The following TUSC3 variants were observed in gnomAD, a reference collection of about 807,000 sequenced individuals.
TUSC3 encodes the protein tumor suppressor candidate 3, also known as dolichyl-diphosphooligosaccharide--protein glycosyltransferase subunit TUSC3.
A neutral mutation model predicts 44.8 loss-of-function variants in TUSC3; 45 were observed. The observed-to-expected ratio is 1.00, with a 90% CI of 0.79 to 1.29. The LOEUF (loss-of-function observed/expected upper bound fraction) is 1.29. Among genes scored for constraint, TUSC3 ranks in the 50% most tolerant of loss-of-function variants. The probability of loss-of-function intolerance (pLI) is 0.00; values close to 1 mark genes in which losing one functional copy is unlikely to be tolerated. For missense variants in TUSC3, 519 were observed against 437.9 expected (o/e 1.19, Z -1.65); for synonymous variants, 212 against 152.9 (o/e 1.39, Z -2.85).
At chr8:15,626,970 G>T (rs953247440) in intron 2 of TUSC3, among the ~76,000 whole-genome samples, 9 of 704 alleles carry the variant, frequency 0.013, no homozygotes, top group African/African-American at 0.062. Flanking sequence ...GCTTGGGAGG[G>T]CCTGAAGCCT....
chr8:15,438,867 C>T (rs1359289943), intron 1 of TUSC3, among the ~76,000 whole-genome samples: 1 of 152,166 alleles, frequency 6.6e-6, no homozygotes, highest in Non-Finnish European at 1.5e-5. Flanking sequence ...GTGGGAAACA[C>T]ACAGTACATT....
the TUSC3 span, among the ~76,000 whole-genome samples, chr8:15,824,717 G>A: frequency 9.2e-5 from 14 of 152,104 alleles, no homozygotes; most frequent in Non-Finnish European, 1.9e-4. Flanking sequence ...TAACCTGCAC[G>A]TTGTGCACAT....
intron 2 of TUSC3, among the ~76,000 whole-genome samples, chr8:15,525,069 A>G (rs1038490506): frequency 1.3e-5 from 2 of 152,218 alleles, no homozygotes; most frequent in African/African-American, 2.4e-5. Flanking sequence ...AAGGGAAAGT[A>G]TGTATACTAG....
chr8:15,672,466 T>C (rs903136720), intron 5 of TUSC3, among the ~76,000 whole-genome samples: 2 of 150,830 alleles, frequency 1.3e-5, no homozygotes, highest in South Asian at 2.1e-4. Flanking sequence ...ATGCTATAGA[T>C]AGGAAACTGA....
chr8:15,422,164 G>C (rs1054148571), intron 1 of TUSC3, among the ~76,000 whole-genome samples: 1 of 152,118 alleles, frequency 6.6e-6, no homozygotes, highest in Non-Finnish European at 1.5e-5. Flanking sequence ...TCAATGAAAA[G>C]TTTACAGATA....
intron 2 of TUSC3, among the ~76,000 whole-genome samples, chr8:15,492,119 C>T (rs1407303348): frequency 6.6e-6 from 1 of 152,118 alleles, no homozygotes; most frequent in East Asian, 1.9e-4. Context: ...TACCATATGG[C>T]AGTCTTTTTG....
chr8:15,799,380 C>T, the TUSC3 span, among the ~76,000 whole-genome samples: 2 of 148,480 alleles, frequency 1.3e-5, no homozygotes, highest in African/African-American at 2.4e-5. Context: ...AAGGGGTGGA[C>T]ATTTTTGCTG....
intron 2 of TUSC3, among the ~76,000 whole-genome samples, chr8:15,624,640 C>T (rs1363885647): frequency 1.3e-5 from 2 of 152,038 alleles, no homozygotes; most frequent in African/African-American, 2.4e-5. Context: ...GTCTTCTGCC[C>T]CTTTCTAATT....
intron 7 of TUSC3, 157 bp from the exon 8 acceptor site, chr8:15,743,381 A>C: frequency 1.3e-6 from 1 of 762,264 alleles, no homozygotes; most frequent in Admixed American, 2.4e-5. Flanking sequence ...ATTTGCTCAC[A>C]AAGAATGGTA....
At chr8:15,642,230 T>C (rs981348924) in intron 2 of TUSC3, among the ~76,000 whole-genome samples, 2 of 152,192 alleles carry the variant, frequency 1.3e-5, no homozygotes, top group African/African-American at 4.8e-5. Flanking sequence ...ATACAATATA[T>C]AATGCATATA....
intron 5 of TUSC3, among the ~76,000 whole-genome samples, chr8:15,667,763 T>C (rs1482199477): frequency 6.6e-6 from 1 of 151,718 alleles, no homozygotes; most frequent in Non-Finnish European, 1.5e-5. Context: ...GTAATAGTTA[T>C]TTTTCTTTTT....
At chr8:15,521,596 C>T (rs554532356) in intron 2 of TUSC3, among the ~76,000 whole-genome samples, 9 of 149,462 alleles carry the variant, frequency 6.0e-5, no homozygotes, top group African/African-American at 2.0e-4. Flanking sequence ...TACAGTAACA[C>T]AAACGATAGG....
At chr8:15,555,144 T>A (rs1802203571) in intron 1 of TUSC3, among the ~76,000 whole-genome samples, 2 of 91,490 alleles carry the variant, frequency 2.2e-5, no homozygotes, top group South Asian at 3.8e-4. Flanking sequence ...GCAGTCTTTT[T>A]TTTTTTTTTT....
chr8:15,545,436 A>G (rs556968371), intron 1 of TUSC3, among the ~76,000 whole-genome samples: 1 of 151,852 alleles, frequency 6.6e-6, no homozygotes, highest in South Asian at 2.1e-4. Flanking sequence ...CATTATCTTT[A>G]TTAAACTCAA....
chr8:15,834,160 G>A, the TUSC3 span, among the ~76,000 whole-genome samples: 5 of 151,920 alleles, frequency 3.3e-5, no homozygotes, highest in African/African-American at 4.8e-5. Flanking sequence ...AAATCTTACC[G>A]ATATTAAAAC....
chr8:15,656,192 CAG>C (rs1227168689), intron 3 of TUSC3, among the ~76,000 whole-genome samples: 1 of 152,058 alleles, frequency 6.6e-6, no homozygotes, highest in Non-Finnish European at 1.5e-5. Flanking sequence ...TTCTCACACT[CAG>C]AATACATTCA....
At chr8:15,419,503 G>A (rs1258332281) in intron 1 of TUSC3, among the ~76,000 whole-genome samples, 1 of 152,092 alleles carries the variant, frequency 6.6e-6, no homozygotes, top group African/African-American at 2.4e-5. Context: ...TGGAACACAT[G>A]TGCCAAATTT....
chr8:15,483,649 A>ATTTTTTTTTTTTTTTTTTTTTTTTTT (rs60092911), intron 2 of TUSC3, among the ~76,000 whole-genome samples: 1 of 66,160 alleles, frequency 1.5e-5, no homozygotes, highest in Non-Finnish European at 2.8e-5. Context: ...TAGCACTGTG[A>ATTTTTTTTTTTTTTTTTTTTTTTTTT]TTTTTTTTTT....
At chr8:15,774,832 ATGT>A in the TUSC3 span, among the ~76,000 whole-genome samples, 1 of 152,042 alleles carries the variant, frequency 6.6e-6, no homozygotes, top group African/African-American at 2.4e-5. Flanking sequence ...TTAAAGGAAA[ATGT>A]TGGTGCAGAT....
Sources: allele counts gnomAD v4.1 joint callset (sites outside exome capture counted in the v4.1 genomes callset), GRCh38; gene constraint gnomAD v4.1.1; transcripts MANE v1.5; gene names NCBI Gene and HGNC (gene_info 2026-07-23, HGNC 2026-07-21).